Variants in HCRTR1 observed in about 807,000 individuals in gnomAD.
HCRTR1 encodes hypocretin receptor 1.
A neutral mutation model predicts 40.6 loss-of-function variants in HCRTR1; 28 were observed. The observed-to-expected ratio is 0.69, with a 90% CI of 0.51 to 0.95. The LOEUF (loss-of-function observed/expected upper bound fraction) is 0.95, where lower values mean the gene tolerates loss of function less well. HCRTR1 is among the 40% of genes least tolerant of loss of function. HCRTR1 has a pLI of 0.00. For synonymous variants in HCRTR1, 209 were observed against 230.0 expected (o/e 0.91, Z 0.83); for missense variants, 482 against 564.7 (o/e 0.85, Z 1.48).
chr1:31,627,004 G>C lies in HCRTR1; in HGVS notation c.*24G>C, dbSNP rs1056527. 2 of 1,596,346 alleles carry C rather than the reference G, an allele frequency of 1.3e-6. No homozygotes were observed. Among genetic ancestry groups the C allele is most frequent in the Non-Finnish European group, 1.7e-6 (2 of 1,172,188 alleles). On this transcript the variant is annotated 3_prime_UTR_variant, in exon 9 of 9. Transcript: ENST00000403528. ...GAGCGAGGGCTGCCCTGGAGGCTCC[G>C]GCTCGGGGGATCTGCCCCTACCCCT...
downstream of HCRTR1, chr1:31,633,323 A>T: frequency 6.2e-7 from 1 of 1,604,228 alleles, no homozygotes; most frequent in South Asian, 1.1e-5. Flanking sequence ...ACCTGGAGGA[A>T]GGGGTGTGAA....
downstream of HCRTR1, chr1:31,627,688 G>A (rs1198549547): frequency 2.9e-5 from 8 of 277,644 alleles, no homozygotes; most frequent in African/African-American, 4.4e-5. Flanking sequence ...GAAGCTGGGG[G>A]GAGGGAAGAC....
At chr1:31,630,549 C>T (rs372597690), downstream of HCRTR1, 23 of 1,455,798 alleles carry the variant, frequency 1.6e-5, no homozygotes, top group East Asian at 2.8e-4. Context: ...TGTCCACATA[C>T]TTCTCTCACT....
At chr1:31,630,625 A>C, downstream of HCRTR1, 2 of 1,612,398 alleles carry the variant, frequency 1.2e-6, no homozygotes, top group Non-Finnish European at 1.7e-6. Context: ...ATAGCATCCG[A>C]GAAGCTGTCA....
In HCRTR1 at chr1:31,623,619, C is replaced by T. The variant is rs200965303; in HGVS notation, c.835C>T (p.Arg279Trp). 4.2e-5 allele frequency: 68 copies of T among 1,613,860 alleles called. No individual in the cohort carries two copies. Among genetic ancestry groups the T allele is most frequent in the Non-Finnish European group, 4.8e-5 (57 of 1,180,040 alleles). Residue 279 changes from arginine (R) to tryptophan (W), a missense_variant, in exon 7 of 9, where the codon CGG (arginine) becomes TGG (tryptophan). Coordinates refer to ENST00000403528, the MANE Select transcript of HCRTR1 (RefSeq NM_001525.3). ...EQGLSGEPQP[R>W]ARAFLAEVKQ... ...GGGCCTGAGTGGAGAGCCCCAGCCC[C>T]GGGCCCGCGCCTTCCTGGCTGAAGT... is the stretch of plus-strand genomic sequence containing the variant.
chr1:31,632,243 T>C, downstream of HCRTR1: 2 of 659,924 alleles, frequency 3.0e-6, no homozygotes, highest in Non-Finnish European at 5.5e-6. Flanking sequence ...TCCCTGTGGC[T>C]GGGGCCGTCT....
chr1:31,619,638 C>T lies in HCRTR1; in HGVS notation c.306C>T (p.Ala102=). The T allele has an allele frequency of 6.2e-7, 1 of 1,613,980 alleles. No individual in the cohort carries two copies. Residue 102 remains alanine (A), a synonymous_variant, in exon 4 of 9, where the codon GCC becomes GCT. Transcript: ENST00000403528. ...DVLVTAICLP[A]SLLVDITESW... ...TGGTGACTGCTATCTGCCTGCCGGC[C>T]AGCCTGCTGGTGGACATCACTGAGT...
chr1:31,629,059 C>T (rs753202814), downstream of HCRTR1, among the ~76,000 whole-genome samples: 2 of 152,204 alleles, frequency 1.3e-5, no homozygotes, highest in Non-Finnish European at 2.9e-5. Flanking sequence ...AGTTCTTTGC[C>T]TTTGGCGAAG....
chr1:31,626,868 C>T lies in HCRTR1; in HGVS notation c.1166C>T (p.Pro389Leu). 6.2e-7 allele frequency: 1 copy of T among 1,614,042 alleles called. No homozygotes were observed. Among genetic ancestry groups the T allele is most frequent in the South Asian group, 1.1e-5 (1 of 91,088 alleles). The change falls in exon 9 of 9, where the codon CCT (proline) becomes CTT (leucine). Residue 389 changes from proline (P) to leucine (L), a missense_variant. Coordinates refer to ENST00000403528, the MANE Select transcript of HCRTR1 (RefSeq NM_001525.3). The surrounding 1 kb of genome is among the most constrained non-coding windows in gnomAD (Gnocchi z 4.6). The stretch of plus-strand genomic sequence containing the variant: ...GGTCCCTGCGGCTCTCTGAAGGCCC[C>T]TAGTCCCCGCTCCTCTGCCAGCCAC... ...GLGPCGSLKAPSPRSSASHKS... is the reference protein window; with the variant it reads ...GLGPCGSLKALSPRSSASHKS...
Position 31,619,633 on chromosome 1 carries a change from C to A in HCRTR1, c.301C>A (p.Pro101Thr). 2 of 1,614,006 alleles carry A rather than the reference C, an allele frequency of 1.2e-6. No homozygotes were observed. The highest frequency in any genetic ancestry group is 2.2e-5 in the South Asian group (2 of 91,060). Residue 101 changes from proline (P) to threonine (T), a missense_variant, in exon 4 of 9, where the codon CCG becomes ACG. By Grantham distance (38) the Pro-to-Thr change is conservative. Coordinates refer to ENST00000403528, the MANE Select transcript of HCRTR1 (RefSeq NM_001525.3). ...CGTTCTGGTGACTGCTATCTGCCTG[C>A]CGGCCAGCCTGCTGGTGGACATCAC... ...ADVLVTAICL[P>T]ASLLVDITES...
In HCRTR1 at chr1:31,623,683, TGATG is replaced by T. The variant is rs1212997643; in HGVS notation, c.901_904del (p.Met301TrpfsTer85). The T allele has an allele frequency of 1.9e-6, 3 of 1,614,204 alleles. No individual in the cohort carries two copies. Among genetic ancestry groups the T allele is most frequent in the Non-Finnish European group, 2.5e-6 (3 of 1,180,050 alleles). ...GCACGGAGGAAGACAGCCAAGATGCTGATGGTGGTGCTGCTGGTCTTCGCCCTCT... is the reference window on the plus strand; with the variant it reads ...GCACGGAGGAAGACAGCCAAGATGCTGTGGTGCTGCTGGTCTTCGCCCTCT... On this transcript the variant is annotated frameshift_variant, in exon 7 of 9. Transcript: ENST00000403528. LOFTEE classifies it high-confidence loss of function.
chr1:31,621,729 C>A, intron 6 of HCRTR1, 137 bp downstream of exon 6: 1 of 665,478 alleles, frequency 1.5e-6, no homozygotes, highest in Non-Finnish European at 2.6e-6. Flanking sequence ...AGGGGAAGCC[C>A]AGAGACACGT....
At chr1:31,623,869 T>C in intron 7 of HCRTR1, 120 bp downstream of exon 7, 1 of 699,312 alleles carries the variant, frequency 1.4e-6, no homozygotes, top group Non-Finnish European at 2.4e-6. Flanking sequence ...GGGCAGGCCA[T>C]TTCTCTTCTC....
chr1:31,632,780 G>T, downstream of HCRTR1: 1 of 982,200 alleles, frequency 1.0e-6, no homozygotes, highest in Non-Finnish European at 1.5e-6. Flanking sequence ...CCAGATGCCT[G>T]CACCTGAGAC....
Position 31,621,485 on chromosome 1 carries a change from T to C in HCRTR1, c.631T>C (p.Tyr211His). Residue 211 changes from tyrosine to histidine, a missense_variant, in exon 6 of 9, where the codon TAT becomes CAT. Coordinates refer to ENST00000403528, the MANE Select transcript of HCRTR1 (RefSeq NM_001525.3). ...VCDERWADDL[Y>H]PKIYHSCFFI... ...TCTCTTGACCCCTGCAGATGACCTC[T>C]ATCCCAAGATCTACCACAGTTGCTT... The C allele has an allele frequency of 6.2e-7, 1 of 1,612,524 alleles. No homozygotes were observed. Among genetic ancestry groups the C allele is most frequent in the Non-Finnish European group, 8.5e-7 (1 of 1,178,612 alleles).
At chr1:31,619,750 G>T (rs41369250) in intron 4 of HCRTR1, 40 bp downstream of exon 4, 175 of 1,547,470 alleles carry the variant, frequency 1.1e-4, no homozygotes, top group Non-Finnish European at 1.5e-4. Flanking sequence ...TCCTTGTCAC[G>T]CCTGTAAAAA....
chr1:31,619,769 C>A, intron 4 of HCRTR1, 59 bp downstream of exon 4: 3 of 1,486,456 alleles, frequency 2.0e-6, no homozygotes, highest in African/African-American at 1.4e-5. Context: ...AAACCCACGG[C>A]CTTGCATAGG....
rs1297516361 is a variant in HCRTR1 at position 31,626,091 on chromosome 1, C to A, written c.1088-699C>A. ...TATGTGCTTGACCCTGTGCTGGGCACCAGAGAGGCTGGCAGCCTAATGACA... is the reference window on the plus strand; with the variant it reads ...TATGTGCTTGACCCTGTGCTGGGCAACAGAGAGGCTGGCAGCCTAATGACA... On this transcript the variant is annotated intron_variant, in intron 8 of 8. Transcript: ENST00000403528. This position sits in a 1 kb window ranked among gnomAD's most constrained non-coding sequence, Gnocchi z 4.6. Among the ~76,000 whole-genome samples the A allele has an allele frequency of 6.6e-6, 1 of 152,184 alleles. No homozygotes were observed. Among genetic ancestry groups the A allele is most frequent in the East Asian group, 1.9e-4 (1 of 5,192 alleles).
Position 31,627,127 on chromosome 1 carries a change from T to C in HCRTR1, c.*147T>C. On this transcript the variant is annotated 3_prime_UTR_variant, in exon 9 of 9. Transcript: ENST00000403528. ...AAGTCACTTCCTCTGTCTGAGCTTGTGTCCCCTAAGCAGGGTTGATGTGAG... is the reference window on the plus strand; with the variant it reads ...AAGTCACTTCCTCTGTCTGAGCTTGCGTCCCCTAAGCAGGGTTGATGTGAG... 7.0e-7 allele frequency: 1 copy of C among 1,427,848 alleles called. No individual in the cohort carries two copies. The highest frequency in any genetic ancestry group is 2.4e-5 in the East Asian group (1 of 40,894). 88.4% of individuals were successfully genotyped at this position (1,427,848 alleles called of 1,614,324 possible).
Sources: allele counts gnomAD v4.1 joint callset (sites outside exome capture counted in the v4.1 genomes callset), GRCh38; gene constraint gnomAD v4.1.1; non-coding constraint Gnocchi (gnomAD v3.1); transcripts MANE v1.5; gene names NCBI Gene and HGNC (gene_info 2026-07-23, HGNC 2026-07-21).